The following TBX1 variants were observed in gnomAD, a reference collection of about 807,000 sequenced individuals.
The protein encoded by TBX1 is T-box transcription factor 1, also known as T-box transcription factor TBX1.
A neutral mutation model predicts 40.8 loss-of-function variants in TBX1; 16 were observed. The observed-to-expected ratio is 0.39, with a 90% CI of 0.27 to 0.60. The LOEUF (loss-of-function observed/expected upper bound fraction) is 0.60. Among genes scored for constraint, TBX1 ranks in the 20% least tolerant of loss-of-function variants. The pLI is 0.51. For missense variants in TBX1, 755 were observed against 728.5 expected (o/e 1.04, Z -0.42); for synonymous variants, 403 against 336.8 (o/e 1.20, Z -2.15).
upstream of TBX1, among the ~76,000 whole-genome samples, chr22:19,757,036 G>C (rs529753381): frequency 1.3e-5 from 2 of 152,306 alleles, no homozygotes; most frequent in African/African-American, 4.8e-5. Context: ...GGCTGGGACG[G>C]CCTCGCGCTT....
Position 19,767,021 on chromosome 22 carries a change from C to T in TBX1, c.*154C>T, listed in dbSNP as rs1936885312. Reference sequence around the variant, plus strand: ...TCCCCAGCCTCGAAGCCATGGGGGCCCCCTCGCCACCCCCAGCCCCTTGGG... The same window carrying T: ...TCCCCAGCCTCGAAGCCATGGGGGCTCCCTCGCCACCCCCAGCCCCTTGGG... On this transcript the variant is annotated 3_prime_UTR_variant, in exon 7 of 7. Coordinates refer to ENST00000649276, the MANE Select transcript of TBX1 (RefSeq NM_001379200.1). 7.4e-7 allele frequency: 1 copy of T among 1,354,460 alleles called. No individual in the cohort carries two copies. Among genetic ancestry groups the T allele is most frequent in the Non-Finnish European group, 9.5e-7 (1 of 1,056,206 alleles). 83.9% of individuals were successfully genotyped at this position (1,354,460 alleles called of 1,614,324 possible).
At position 19,766,750 on chromosome 22, in the gene TBX1, C is replaced by T. The variant is rs760188566; in HGVS notation, c.1398C>T (p.His466=). Residue 466 remains histidine (H), a synonymous_variant, in exon 7 of 7, where the codon CAC becomes CAT. Coordinates refer to ENST00000649276, the MANE Select transcript of TBX1 (RefSeq NM_001379200.1). ...ACGCGCATCCGCACCACCACCACCA[C>T]CCCGTGAGTCCAGCCGCCGCGGCCG... ...HPHAHPHHHH[H]PVSPAAAAAA... The T allele has an allele frequency of 6.5e-7, 1 of 1,532,030 alleles. No homozygotes were observed. Among genetic ancestry groups the T allele is most frequent in the Admixed American group, 2.0e-5 (1 of 50,512 alleles). 94.9% of individuals were successfully genotyped at this position (1,532,030 alleles called of 1,614,324 possible). A position where few individuals can be genotyped will look rare whatever the true frequency, so the allele number is the denominator to read the frequency against.
At chr22:19,764,447 C>A in intron 3 of TBX1, 121 bp downstream of exon 3, 1 of 1,333,720 alleles carries the variant, frequency 7.5e-7, no homozygotes, top group Non-Finnish European at 1.1e-6. Flanking sequence ...CGGCTCTGGG[C>A]TGTCCCCGAG....
At chr22:19,764,407 A>T in intron 3 of TBX1, 81 bp downstream of exon 3, 1 of 1,556,364 alleles carries the variant, frequency 6.4e-7, no homozygotes, top group Non-Finnish European at 8.8e-7. Flanking sequence ...AGAGGCCTGT[A>T]GAATCCCCAG....
chr22:19,772,633 T>C (rs1191300798), intron 8 of TBX1, among the ~76,000 whole-genome samples: 1 of 152,216 alleles, frequency 6.6e-6, no homozygotes, highest in Non-Finnish European at 1.5e-5. Context: ...CAAATAGTTT[T>C]TTTTTCCCCT....
chr22:19,776,679 C>T (rs1437258708), intron 8 of TBX1, among the ~76,000 whole-genome samples: 4 of 152,178 alleles, frequency 2.6e-5, no homozygotes, highest in East Asian at 1.9e-4. Flanking sequence ...CAAGAGAGCA[C>T]GCCTACCCTC....
chr22:19,767,410 T>C, downstream of TBX1: 2 of 982,954 alleles, frequency 2.0e-6, no homozygotes, highest in Non-Finnish European at 2.4e-6. Context: ...CCGGGGTAGC[T>C]CAGGGCCCTC....
intron 2 of TBX1, 50 bp downstream of exon 2, chr22:19,763,392 T>C: frequency 6.3e-7 from 1 of 1,581,520 alleles, no homozygotes; most frequent in Non-Finnish European, 8.7e-7. Context: ...CCCTGGAAAG[T>C]GGCGGGTCTC....
In TBX1 at chr22:19,761,134, C is replaced by G; in HGVS notation, c.291C>G (p.Gly97=). 2 of 1,433,682 alleles carry G rather than the reference C, an allele frequency of 1.4e-6. No individual in the cohort carries two copies. The highest frequency in any genetic ancestry group is 2.7e-5 in the South Asian group (2 of 74,850). 88.8% of individuals were successfully genotyped at this position (1,433,682 alleles called of 1,614,324 possible). A position where few individuals can be genotyped will look rare whatever the true frequency, so the allele number is the denominator to read the frequency against. ...CCAGCGCCGCCGCCGAGCCCGAGGG[C>G]CCCGGGGCCAGCTGCGCGGCCGCAG... is the stretch of plus-strand genomic sequence containing the variant. The part of the protein sequence containing the change: ...AATSAAAEPE[G]PGASCAAAAK... The change falls in exon 1 of 7, where the codon GGC becomes GGG. Residue 97 remains glycine (G), a synonymous_variant. Transcript: ENST00000649276.
Position 19,766,466 on chromosome 22 carries a change from C to A in TBX1, c.1114C>A (p.Gln372Lys). ...AVLGDPAHPPQLLARVLSPSL... is the reference protein window; with the variant it reads ...AVLGDPAHPPKLLARVLSPSL... ...GCTCGGGGACCCGGCGCATCCTCCG[C>A]AGCTGCTGGCCCGGGTGCTAAGCCC... The change falls in exon 7 of 7, where the codon CAG (glutamine) becomes AAG (lysine). Residue 372 changes from glutamine to lysine, a missense_variant. Coordinates refer to ENST00000649276, the MANE Select transcript of TBX1 (RefSeq NM_001379200.1). The A allele has an allele frequency of 1.5e-6, 2 of 1,330,024 alleles. No individual in the cohort carries two copies. The highest frequency in any genetic ancestry group is 1.9e-6 in the Non-Finnish European group (2 of 1,033,628). 82.4% of individuals were successfully genotyped at this position (1,330,024 alleles called of 1,614,324 possible).
intron 4 of TBX1, 45 bp downstream of exon 4, chr22:19,765,158 A>G: frequency 6.2e-7 from 1 of 1,613,600 alleles, no homozygotes; most frequent in Non-Finnish European, 8.5e-7. Context: ...ACGCCTCTGG[A>G]AAAGCGGGTG....
rs41297826 is a variant in TBX1 at position 19,776,982 on chromosome 22, C to T, written c.1010-2238C>T. 8.6e-3 allele frequency among the ~76,000 whole-genome samples: 1,302 copies of T among 152,188 alleles called. 12 individuals carry two copies. The highest frequency in any genetic ancestry group is 0.02 in the South Asian group (98 of 4,820). On this transcript the variant is annotated intron_variant, in intron 8 of 8. Coordinates refer to the TBX1 transcript ENST00000329705. ...CCAGCACACGGGGTGGGAGGAGCTT[C>T]CTGGGTAACGCTCAATCCCATACGC...
upstream of TBX1, among the ~76,000 whole-genome samples, chr22:19,758,405 TG>T (rs1179175740): frequency 6.6e-6 from 1 of 152,152 alleles, no homozygotes; most frequent in Non-Finnish European, 1.5e-5. Context: ...ATGGGTGCGC[TG>T]AACTGGTTAG....
downstream of TBX1, among the ~76,000 whole-genome samples, chr22:19,782,414 G>A (rs1246710886): frequency 6.6e-6 from 1 of 152,082 alleles, no homozygotes; most frequent in Admixed American, 6.5e-5. Context: ...TTAATGCTGA[G>A]TCTCTTTTGA....
Position 19,766,825 on chromosome 22 carries a change from C to T in TBX1, c.1473C>T (p.Ala491=), listed in dbSNP as rs775895785. 32 of 1,563,386 alleles carry T rather than the reference C, an allele frequency of 2.0e-5. No homozygotes were observed. Among genetic ancestry groups the T allele is most frequent in the South Asian group, 4.6e-5 (4 of 87,394 alleles). Residue 491 remains alanine, a synonymous_variant, in exon 7 of 7, where the codon GCC becomes GCT. Transcript: ENST00000649276. ...AAAAANMYSS[A]GAAPPGSYDY... ...CGGCCGCCAACATGTACTCGTCGGCCGGAGCCGCGCCGCCCGGCTCCTACG... is the reference window on the plus strand; with the variant it reads ...CGGCCGCCAACATGTACTCGTCGGCTGGAGCCGCGCCGCCCGGCTCCTACG...
At chr22:19,780,476 C>T (rs1937129183), downstream of TBX1, among the ~76,000 whole-genome samples, 1 of 152,320 alleles carries the variant, frequency 6.6e-6, no homozygotes, top group South Asian at 2.1e-4. Flanking sequence ...GAACACTATT[C>T]TGTTGTATGT....
At chr22:19,757,379 A>ACCGAT (rs763681860), upstream of TBX1, among the ~76,000 whole-genome samples, 16 of 152,082 alleles carry the variant, frequency 1.1e-4, no homozygotes, top group Non-Finnish European at 1.9e-4. Flanking sequence ...GGACCTCTGG[A>ACCGAT]CCGATCCTTG....
rs573980571 is a variant in TBX1 at position 19,766,696 on chromosome 22, C to G, written c.1344C>G (p.Pro448=). ...GCCGGCCGGCGCCCTACCCGCTGCC[C>G]GGCCTGCGTGGCCACGGCTACCACC... is the stretch of plus-strand genomic sequence containing the variant. The part of the protein sequence containing the change: ...AKSRPAPYPL[P]GLRGHGYHPH... Residue 448 remains proline (P), a synonymous_variant, in exon 7 of 7, where the codon CCC becomes CCG. Coordinates refer to ENST00000649276, the MANE Select transcript of TBX1 (RefSeq NM_001379200.1). The G allele has an allele frequency of 7.8e-6, 12 of 1,547,404 alleles. No individual in the cohort carries two copies. The South Asian group carries it at 1.4e-4, about 18-fold the overall frequency.
chr22:19,769,966 C>G (rs531615628), downstream of TBX1, among the ~76,000 whole-genome samples: 4 of 152,206 alleles, frequency 2.6e-5, no homozygotes, highest in Non-Finnish European at 4.4e-5. Flanking sequence ...TTTTAGGTTC[C>G]CCGTTGAGCA....
Sources: allele counts gnomAD v4.1 joint callset (sites outside exome capture counted in the v4.1 genomes callset), GRCh38; gene constraint gnomAD v4.1.1; transcripts MANE v1.5; gene names NCBI Gene and HGNC (gene_info 2026-07-23, HGNC 2026-07-21).